Variants in PGPEP1L observed in about 807,000 individuals in gnomAD.
PGPEP1L encodes the protein pyroglutamyl-peptidase I like.
PGPEP1L carries 7 observed loss-of-function variants against 6.0 expected under a neutral mutation model. The ratio of observed to expected loss-of-function variants is 1.17; its 90% CI spans 0.66 to 2.19. The LOEUF (loss-of-function observed/expected upper bound fraction) is 2.19, where lower values mean the gene tolerates loss of function less well. Ranked by LOEUF, PGPEP1L falls within the 30% of genes most tolerant of loss-of-function variation. The probability of loss-of-function intolerance (pLI) is 0.00; values close to 1 mark genes in which losing one functional copy is unlikely to be tolerated. For synonymous variants in PGPEP1L, 103 were observed against 83.9 expected (o/e 1.23, Z -1.24); for missense variants, 209 against 192.5 (o/e 1.09, Z -0.51).
chr15:98,993,819 T>A (rs926838696), intron 2 of PGPEP1L, among the ~76,000 whole-genome samples: 5 of 138,686 alleles, frequency 3.6e-5, no homozygotes, highest in Non-Finnish European at 7.9e-5. Flanking sequence ...ACTTAAAGTA[T>A]AATAAAACAA....
At chr15:98,982,295 C>CT (rs2017676034) in intron 2 of PGPEP1L, among the ~76,000 whole-genome samples, 1 of 152,130 alleles carries the variant, frequency 6.6e-6, no homozygotes, top group Non-Finnish European at 1.5e-5. Flanking sequence ...GCGACTGGGA[C>CT]TATGAGAGCA....
intron 2 of PGPEP1L, among the ~76,000 whole-genome samples, chr15:99,000,891 T>G (rs1277592080): frequency 6.6e-6 from 1 of 152,116 alleles, no homozygotes; most frequent in South Asian, 2.1e-4. Flanking sequence ...TTTCGCTCTT[T>G]ACAATCAATC....
chr15:99,003,237 C>A (rs1427501300), intron 2 of PGPEP1L, among the ~76,000 whole-genome samples: 5 of 148,934 alleles, frequency 3.4e-5, no homozygotes, highest in Non-Finnish European at 5.9e-5. Context: ...AGCCAGGTAC[C>A]TCCTGGGATA....
At chr15:98,989,199 C>A (rs1555471798) in intron 2 of PGPEP1L, among the ~76,000 whole-genome samples, 1 of 152,164 alleles carries the variant, frequency 6.6e-6, no homozygotes, top group Non-Finnish European at 1.5e-5. Flanking sequence ...GCTAAAGAAG[C>A]ATGTTCTAAC....
intron 2 of PGPEP1L, chr15:99,001,217 C>G: frequency 2.4e-6 from 1 of 412,154 alleles, no homozygotes; most frequent in South Asian, 1.7e-5. Context: ...TTCTTGAAGT[C>G]AGTGAGACCA....
rs192375411 is a variant in PGPEP1L, at chr15:99,006,649, C to G, written c.-370+710G>C. ...TTCAAGATCAACCTGGGCAACGTGG[C>G]AAGACTGCATCAATTATTTTTTTCA... On this transcript the variant is annotated intron_variant, in intron 1 of 4. Coordinates refer to ENST00000535714, the MANE Select transcript of PGPEP1L (RefSeq NM_001167902.2). Among the ~76,000 whole-genome samples, 402 of 152,268 alleles carry G rather than the reference C, an allele frequency of 2.6e-3. 5 individuals are homozygous for G. Among genetic ancestry groups the G allele is most frequent in the African/African-American group, 8.2e-3 (342 of 41,548 alleles).
intron 3 of PGPEP1L, among the ~76,000 whole-genome samples, chr15:98,970,218 A>G (rs1000397530): frequency 2.6e-5 from 4 of 151,408 alleles, no homozygotes; most frequent in Non-Finnish European, 4.4e-5. Flanking sequence ...TAATTTTTGT[A>G]TTTGTAGTAG....
intron 2 of PGPEP1L, among the ~76,000 whole-genome samples, chr15:98,981,569 C>G (rs957617139): frequency 1.3e-4 from 20 of 151,460 alleles, no homozygotes; most frequent in Non-Finnish European, 2.9e-5. Context: ...ACAGCCAAGA[C>G]AAGCCTACGG....
intron 2 of PGPEP1L, 32 bp from the exon 3 acceptor site, chr15:98,971,190 T>A (rs755089850): frequency 2.9e-6 from 2 of 691,032 alleles, no homozygotes; most frequent in Admixed American, 4.3e-5. Context: ...CTTGCCTCAG[T>A]TGATGGGGGG....
intron 2 of PGPEP1L, among the ~76,000 whole-genome samples, chr15:98,994,877 ATTACTCTATG>A (rs1199375999): frequency 6.6e-6 from 1 of 152,192 alleles, no homozygotes; most frequent in Admixed American, 6.5e-5. Context: ...CTTTGAATAT[ATTACTCTATG>A]TATTCTGGCT....
At chr15:99,000,806 G>T (rs1388702911) in intron 2 of PGPEP1L, among the ~76,000 whole-genome samples, 1 of 151,894 alleles carries the variant, frequency 6.6e-6, no homozygotes, top group Non-Finnish European at 1.5e-5. Context: ...CCAGATAAGA[G>T]AAAAAAAAGC....
intron 2 of PGPEP1L, among the ~76,000 whole-genome samples, chr15:98,973,627 T>G (rs894086223): frequency 6.6e-6 from 1 of 151,968 alleles, no homozygotes; most frequent in Non-Finnish European, 1.5e-5. Context: ...AGTGAAGAAA[T>G]TAAAAAGAAA....
intron 2 of PGPEP1L, among the ~76,000 whole-genome samples, chr15:98,972,740 A>G (rs1275517505): frequency 3.3e-5 from 5 of 151,958 alleles, no homozygotes; most frequent in African/African-American, 7.3e-5. Flanking sequence ...GCATGGTGGC[A>G]GGCACCTGTA....
At chr15:99,002,216 G>C (rs1165049038) in intron 2 of PGPEP1L, among the ~76,000 whole-genome samples, 1 of 151,938 alleles carries the variant, frequency 6.6e-6, no homozygotes, top group Non-Finnish European at 1.5e-5. Context: ...GGCTGCCCTC[G>C]AACTCCTGGT....
At chr15:99,006,013 A>C (rs1248147164) in intron 1 of PGPEP1L, among the ~76,000 whole-genome samples, 1 of 152,224 alleles carries the variant, frequency 6.6e-6, no homozygotes, top group East Asian at 1.9e-4. Flanking sequence ...CTGAAAACTA[A>C]TTCCACAAAA....
intron 2 of PGPEP1L, among the ~76,000 whole-genome samples, chr15:98,995,444 T>A (rs2017874639): frequency 6.6e-6 from 1 of 152,232 alleles, no homozygotes; most frequent in South Asian, 2.1e-4. Context: ...ACACCTGTAA[T>A]CCCAGCACTT....
intron 3 of PGPEP1L, among the ~76,000 whole-genome samples, 196 bp from the exon 4 acceptor site, chr15:98,969,847 T>C (rs921621557): frequency 6.6e-6 from 1 of 152,164 alleles, no homozygotes; most frequent in Non-Finnish European, 1.5e-5. Context: ...ACAGCTGGAT[T>C]CTTTTAGCTG....
intron 2 of PGPEP1L, among the ~76,000 whole-genome samples, chr15:99,004,715 T>G (rs538546812): frequency 3.9e-5 from 6 of 152,104 alleles, no homozygotes; most frequent in Non-Finnish European, 7.4e-5. Flanking sequence ...AGACTCTGTC[T>G]CAAAAAAAAA....
At chr15:98,993,328 G>T (rs782196107) in intron 2 of PGPEP1L, among the ~76,000 whole-genome samples, 1 of 152,160 alleles carries the variant, frequency 6.6e-6, no homozygotes, top group African/African-American at 2.4e-5. Context: ...CATTTATGTG[G>T]CCAAGAAACA....
Sources: gnomAD v4.1 joint callset for allele counts (sites outside exome capture counted in the v4.1 genomes callset) on GRCh38, gnomAD v4.1.1 for gene constraint, MANE v1.5 for transcripts, NCBI Gene and HGNC (gene_info 2026-07-23, HGNC 2026-07-21) for gene names.